The following DLGAP2 variants were observed in gnomAD, a reference collection of about 807,000 sequenced individuals.
DLGAP2 encodes the protein DLG associated protein 2, also known as disks large-associated protein 2.
Under a neutral mutation model 100.3 loss-of-function variants are expected in DLGAP2, and 26 were observed. The ratio of observed to expected loss-of-function variants is 0.26; its 90% CI spans 0.19 to 0.36. DLGAP2 has a LOEUF of 0.36. Among genes scored for constraint, DLGAP2 ranks in the 10% least tolerant of loss-of-function variants. The pLI, the probability that DLGAP2 is intolerant of heterozygous loss-of-function variation, is 1.00. For synonymous variants in DLGAP2, 886 were observed against 630.1 expected, an observed-to-expected ratio of 1.41 and a Z score of -6.08; for missense variants, 1,858 against 1,453.2, an observed-to-expected ratio of 1.28 and a Z score of -4.53.
At chr8:1,284,690 C>G (rs1215540931) in intron 3 of DLGAP2, among the ~76,000 whole-genome samples, 1 of 152,214 alleles carries the variant, frequency 6.6e-6, no homozygotes, top group Non-Finnish European at 1.5e-5. Flanking sequence ...GGCACCGTCT[C>G]AGCTCAGTGC....
intron 6 of DLGAP2, among the ~76,000 whole-genome samples, chr8:1,572,533 C>T (rs1356539025): frequency 1.1e-5 from 1 of 90,262 alleles, no homozygotes; most frequent in Non-Finnish European, 2.1e-5. Context: ...AGAGGGTGAA[C>T]TGTGGGGGCG....
chr8:1,360,225 C>CTT, intron 3 of DLGAP2, among the ~76,000 whole-genome samples: 1 of 106,222 alleles, frequency 9.4e-6, no homozygotes, highest in African/African-American at 3.6e-5. Context: ...CGGGGCGGGG[C>CTT]TTCTCCGGGG....
chr8:1,086,353 A>C (rs1803974106), intron 2 of DLGAP2, among the ~76,000 whole-genome samples: 1 of 152,286 alleles, frequency 6.6e-6, no homozygotes, highest in South Asian at 2.1e-4. Context: ...TCAGAGAAAA[A>C]GCTTTCAACT....
chr8:1,413,852 C>G (rs1796801584), intron 3 of DLGAP2, among the ~76,000 whole-genome samples: 1 of 152,178 alleles, frequency 6.6e-6, no homozygotes, highest in East Asian at 1.9e-4. Flanking sequence ...TGAGAAGAGG[C>G]ACGTGCAGAT....
chr8:1,357,409 T>TG (rs957554129), intron 3 of DLGAP2, among the ~76,000 whole-genome samples: 4 of 151,946 alleles, frequency 2.6e-5, no homozygotes, highest in African/African-American at 7.2e-5. Context: ...ATCTTTTTTT[T>TG]TTTTTTGTAG....
chr8:1,157,274 C>A (rs1796809861), intron 2 of DLGAP2, among the ~76,000 whole-genome samples: 1 of 152,134 alleles, frequency 6.6e-6, no homozygotes. Context: ...CCTCTCGTGG[C>A]ACAGATGCGG....
intron 3 of DLGAP2, among the ~76,000 whole-genome samples, chr8:1,433,237 C>T (rs960586203): frequency 7.9e-5 from 12 of 152,200 alleles, no homozygotes; most frequent in African/African-American, 2.9e-4. Flanking sequence ...ACTGAAGATG[C>T]TTCCTGTGCC....
At chr8:1,260,447 A>G (rs925714114) in intron 3 of DLGAP2, among the ~76,000 whole-genome samples, 6 of 152,194 alleles carry the variant, frequency 3.9e-5, no homozygotes, top group Middle Eastern at 3.2e-3. Flanking sequence ...ACAGTGGCCC[A>G]TGTGGGGTGT....
intron 2 of DLGAP2, among the ~76,000 whole-genome samples, chr8:1,094,955 T>G (rs1428560114): frequency 6.6e-6 from 1 of 152,196 alleles, no homozygotes; most frequent in Non-Finnish European, 1.5e-5. Context: ...GAAGGACAGC[T>G]CTGCTCTTCA....
Position 1,584,585 on chromosome 8 carries a change from A to G in DLGAP2, c.1442+18691A>G, listed in dbSNP as rs148368486. Among the ~76,000 whole-genome samples, 1,151 of 152,186 alleles carry G rather than the reference A, an allele frequency of 7.6e-3. 17 individuals are homozygous for G. Among genetic ancestry groups the G allele is most frequent in the African/African-American group, 0.026 (1,092 of 41,526 alleles). On this transcript the variant is annotated intron_variant, in intron 6 of 14. Coordinates refer to ENST00000637795, the MANE Select transcript of DLGAP2 (RefSeq NM_001346810.2). ...AACCGTTGCCAGCACGTGCAGAGAG[A>G]GCATTTGCACTCTGATCGGTCCAGC...
At chr8:1,359,434 C>T (rs1400616278) in intron 3 of DLGAP2, among the ~76,000 whole-genome samples, 1 of 152,260 alleles carries the variant, frequency 6.6e-6, no homozygotes, top group Non-Finnish European at 1.5e-5. Context: ...GAAGTAAGGA[C>T]AGGTTGGAGC....
At chr8:932,398 A>G (rs1483850798) in intron 2 of DLGAP2, among the ~76,000 whole-genome samples, 1 of 152,258 alleles carries the variant, frequency 6.6e-6, no homozygotes, top group Non-Finnish European at 1.5e-5. Flanking sequence ...GAGATGAGAA[A>G]GACTGATAAA....
chr8:1,363,859 G>A (rs561060283), intron 3 of DLGAP2, among the ~76,000 whole-genome samples: 7 of 152,188 alleles, frequency 4.6e-5, no homozygotes, highest in East Asian at 1.9e-4. Flanking sequence ...GGCCTGCCAC[G>A]TCTCTGGGAG....
intron 3 of DLGAP2, among the ~76,000 whole-genome samples, chr8:1,467,878 T>C (rs1232371034): frequency 7.2e-6 from 1 of 139,554 alleles, no homozygotes; most frequent in African/African-American, 3.4e-5. Context: ...AGATCCCCCC[T>C]GGTCAGGAGG....
chr8:770,795 C>T (rs1170778514), intron 1 of DLGAP2, among the ~76,000 whole-genome samples: 1 of 152,056 alleles, frequency 6.6e-6, no homozygotes, highest in Non-Finnish European at 1.5e-5. Flanking sequence ...TATATACTGA[C>T]CTGTATTTCT....
chr8:1,318,714 G>A (rs569001557), intron 3 of DLGAP2, among the ~76,000 whole-genome samples: 2 of 151,186 alleles, frequency 1.3e-5, no homozygotes, highest in African/African-American at 4.9e-5. Flanking sequence ...AAATTGAGTG[G>A]TTCCTATTCG....
chr8:1,425,078 T>C (rs950311525), intron 3 of DLGAP2, among the ~76,000 whole-genome samples: 1 of 152,254 alleles, frequency 6.6e-6, no homozygotes, highest in Non-Finnish European at 1.5e-5. Flanking sequence ...ACTTAGTTTT[T>C]AGTAAACTTG....
intron 1 of DLGAP2, among the ~76,000 whole-genome samples, chr8:787,649 C>A (rs750715136): frequency 6.6e-6 from 1 of 152,204 alleles, no homozygotes; most frequent in Non-Finnish European, 1.5e-5. Context: ...GCCTCTTCCC[C>A]CCTTGGCCTT....
chr8:1,247,518 A>G (rs867887423), intron 2 of DLGAP2, among the ~76,000 whole-genome samples: 26 of 14,098 alleles, frequency 1.8e-3, no homozygotes, highest in South Asian at 4.5e-3. Flanking sequence ...GTGTGGGAGT[A>G]ATGGCCCATG....
Sources: allele counts gnomAD v4.1 joint callset (sites outside exome capture counted in the v4.1 genomes callset), GRCh38; gene constraint gnomAD v4.1.1; transcripts MANE v1.5; gene names NCBI Gene and HGNC (gene_info 2026-07-23, HGNC 2026-07-21).